The following CPOX variants were observed in gnomAD, a reference collection of about 807,000 sequenced individuals.
CPOX encodes the protein coproporphyrinogen oxidase, also known as oxygen-dependent coproporphyrinogen-III oxidase, mitochondrial.
CPOX carries 24 observed loss-of-function variants against 48.9 expected under a neutral mutation model. The ratio of observed to expected loss-of-function variants is 0.49; its 90% confidence interval spans 0.36 to 0.69. The LOEUF (loss-of-function observed/expected upper bound fraction) is 0.69. Ranked by LOEUF, CPOX falls within the 30% of genes least tolerant of loss-of-function variation. The pLI is 0.00. For missense variants in CPOX, 549 were observed against 597.3 expected (o/e 0.92, Z 0.84); for synonymous variants, 249 against 234.6 (o/e 1.06, Z -0.56).
chr3:98,576,877 A>T (rs558392502), downstream of CPOX, among the ~76,000 whole-genome samples: 6 of 152,340 alleles, frequency 3.9e-5, no homozygotes, highest in South Asian at 1.2e-3. Context: ...ACAAAGGTTA[A>T]CACATCATTC....
rs1707224170 is a variant in CPOX at position 98,580,064 on chromosome 3, A to G, written c.*619T>C. On this transcript the variant is annotated 3_prime_UTR_variant, in exon 7 of 7. Coordinates refer to ENST00000647941, the MANE Select transcript of CPOX (RefSeq NM_000097.7). Reference sequence around the variant, plus strand: ...TAATAGTAATGTCACTTTAGAGTTTACAAACTACAGAAATAACTGAATTGT... The same window carrying G: ...TAATAGTAATGTCACTTTAGAGTTTGCAAACTACAGAAATAACTGAATTGT... The G allele has an allele frequency of 2.0e-6, 2 of 981,614 alleles. No individual in the cohort carries two copies. 60.8% of individuals were successfully genotyped at this position (981,614 alleles called of 1,614,324 possible). A position where few individuals can be genotyped will look rare whatever the true frequency, so the allele number is the denominator to read the frequency against.
downstream of CPOX, among the ~76,000 whole-genome samples, chr3:98,578,533 G>C (rs906834543): frequency 4.6e-5 from 7 of 152,070 alleles, no homozygotes; most frequent in African/African-American, 1.7e-4. Flanking sequence ...ATACAGTCTA[G>C]TAACCATCAC....
At position 98,585,656 on chromosome 3, in the gene CPOX, A is replaced by T; in HGVS notation, c.957T>A (p.Cys319Ter). The T allele has an allele frequency of 6.2e-7, 1 of 1,613,176 alleles. No individual in the cohort carries two copies. Among genetic ancestry groups the T allele is most frequent in the Non-Finnish European group, 8.5e-7 (1 of 1,179,192 alleles). The change falls in exon 5 of 7, where the codon TGT becomes TGA. Residue 319 changes from cysteine (C) to a stop codon, truncating the protein, a stop_gained. Coordinates refer to ENST00000647941, the MANE Select transcript of CPOX (RefSeq NM_000097.7). LOFTEE classifies it high-confidence loss of function. ...GATGGGCTATAAAGAAGTAATCATCACACCTGGAAAACACAGCGGCGCCAA... is the reference window on the plus strand; with the variant it reads ...GATGGGCTATAAAGAAGTAATCATCTCACCTGGAAAACACAGCGGCGCCAA... The part of the protein sequence containing the change: ...PDLYPKFKKW[C>*]DDYFFIAHRG...
At chr3:98,583,002 A>G (rs560885344) in intron 5 of CPOX, among the ~76,000 whole-genome samples, 22 of 152,346 alleles carry the variant, frequency 1.4e-4, no homozygotes, top group Non-Finnish European at 2.8e-4. Context: ...ACCATGGAAA[A>G]TAATTTCATC....
At chr3:98,586,002 A>C in intron 4 of CPOX, 3 of 339,214 alleles carry the variant, frequency 8.8e-6, no homozygotes, top group Non-Finnish European at 1.2e-5. Flanking sequence ...CGTCCCAAGT[A>C]GCTGGGACTA....
intron 3 of CPOX, 41 bp downstream of exon 3, chr3:98,590,591 T>A (rs754340931): frequency 2.2e-6 from 3 of 1,356,362 alleles, no homozygotes; most frequent in Non-Finnish European, 3.2e-6. Context: ...AAAATGCACA[T>A]TTTGCACGAC....
At chr3:98,586,454 C>T (rs1331804235) in intron 4 of CPOX, among the ~76,000 whole-genome samples, 1 of 151,876 alleles carries the variant, frequency 6.6e-6, no homozygotes, top group Non-Finnish European at 1.5e-5. Flanking sequence ...AGGTCTCTTT[C>T]AGAAATAAAA....
chr3:98,580,439 C>G lies in CPOX; in HGVS notation c.*244G>C, dbSNP rs1360740253. On this transcript the variant is annotated 3_prime_UTR_variant, in exon 7 of 7. Coordinates refer to ENST00000647941, the MANE Select transcript of CPOX (RefSeq NM_000097.7). ...GAAACTCAATGTCCTATTTTGTAAA[C>G]TAGTCATATAAAATGACACTAGAAG... 3.8e-6 allele frequency: 5 copies of G among 1,325,526 alleles called. No homozygotes were observed. Among genetic ancestry groups the G allele is most frequent in the African/African-American group, 1.5e-5 (1 of 67,514 alleles). The allele number at this position is 1,325,526 out of a possible 1,614,324, so 82.1% of individuals were successfully genotyped here.
intron 3 of CPOX, chr3:98,590,413 T>C: frequency 3.5e-6 from 2 of 570,992 alleles, no homozygotes; most frequent in East Asian, 3.3e-5. Context: ...CCTCCCAAAG[T>C]GCTGGGATTA....
At chr3:98,592,924 T>C (rs1576306376) in intron 1 of CPOX, 25 bp downstream of exon 1, 1 of 1,603,206 alleles carries the variant, frequency 6.2e-7, no homozygotes, top group East Asian at 2.3e-5. Flanking sequence ...TGTCTCCAAC[T>C]CCCGCCAGGG....
Position 98,580,680 on chromosome 3 carries a change from G to C in CPOX, c.*3C>G, listed in dbSNP as rs781247030. On this transcript the variant is annotated 3_prime_UTR_variant, in exon 7 of 7. Coordinates refer to ENST00000647941, the MANE Select transcript of CPOX (RefSeq NM_000097.7). ...AAACCCCTGCACAGCCATTCTGCCT[G>C]CATCAACGCACCCAGTCCCTTGGAT... 6 of 1,613,962 alleles carry C rather than the reference G, an allele frequency of 3.7e-6. No homozygotes were observed. The highest frequency in any genetic ancestry group is 1.6e-4 in the Middle Eastern group (1 of 6,082).
In CPOX at chr3:98,590,678, A is replaced by T; in HGVS notation, c.765T>A (p.Pro255=). The T allele has an allele frequency of 6.2e-7, 1 of 1,614,110 alleles. No homozygotes were observed. The highest frequency in any genetic ancestry group is 1.1e-5 in the South Asian group (1 of 91,084). The change falls in exon 3 of 7, where the codon CCT becomes CCA. Residue 255 remains proline, a synonymous_variant. Transcript: ENST00000647941. ...AGTATCTGTAGTTGAAATGGATAGT[A>T]GGAGCATGAGGATTCTTGGGGTGGA... ...SVIHPKNPHA[P]TIHFNYRYFE...
intron 3 of CPOX, among the ~76,000 whole-genome samples, chr3:98,589,300 C>G (rs895302003): frequency 3.3e-5 from 5 of 151,934 alleles, no homozygotes; most frequent in African/African-American, 1.2e-4. Context: ...GCCTGGGCAA[C>G]AAGAGTGAGA....
intron 4 of CPOX, 104 bp from the exon 5 acceptor site, chr3:98,585,763 G>A (rs1035397809): frequency 6.7e-6 from 6 of 897,960 alleles, no homozygotes; most frequent in Non-Finnish European, 1.1e-5. Context: ...ACTAATGTCA[G>A]GATGGTGTCC....
chr3:98,585,896 G>C (rs966322389), intron 4 of CPOX: 4 of 437,586 alleles, frequency 9.1e-6, no homozygotes, highest in African/African-American at 8.2e-5. Context: ...TTTTTGAGAC[G>C]GACTCTTGCT....
chr3:98,584,023 A>C (rs1453466480), intron 5 of CPOX, among the ~76,000 whole-genome samples: 2 of 152,186 alleles, frequency 1.3e-5, no homozygotes, highest in African/African-American at 4.8e-5. Flanking sequence ...ATGATACACA[A>C]CAACGACTTT....
chr3:98,571,702 A>G, the CPOX span, among the ~76,000 whole-genome samples: 46 of 151,396 alleles, frequency 3.0e-4, 2 homozygotes, highest in African/African-American at 7.5e-4. Flanking sequence ...AAAAAAAGAA[A>G]AAAGAAAAAA....
chr3:98,588,606 T>C (rs1401335599), intron 4 of CPOX, 107 bp downstream of exon 4: 8 of 1,169,524 alleles, frequency 6.8e-6, no homozygotes, highest in Non-Finnish European at 1.0e-5. Flanking sequence ...GTAAGAAAAC[T>C]AGTTCCATTT....
chr3:98,586,800 C>T (rs549577180), intron 4 of CPOX, among the ~76,000 whole-genome samples: 12 of 152,240 alleles, frequency 7.9e-5, no homozygotes, highest in Admixed American at 7.2e-4. Flanking sequence ...AAAAATTAGC[C>T]AGGCGTGGTG....
Sources: allele counts gnomAD v4.1 joint callset (sites outside exome capture counted in the v4.1 genomes callset), GRCh38; gene constraint gnomAD v4.1.1; transcripts MANE v1.5; gene names NCBI Gene and HGNC (gene_info 2026-07-23, HGNC 2026-07-21).